The following RNF157 variants were observed in gnomAD, a reference collection of about 807,000 sequenced individuals.
RNF157 encodes the protein ring finger protein 157, also known as E3 ubiquitin ligase RNF157.
RNF157 carries 55 observed loss-of-function variants against 88.3 expected under a neutral mutation model. That is an observed-to-expected ratio of 0.62 (90% confidence interval 0.50 to 0.78). The LOEUF is 0.78. RNF157 is among the 30% of genes least tolerant of loss of function. The pLI is 0.00. For synonymous variants in RNF157, 334 were observed against 341.2 expected (o/e 0.98, Z 0.23); for missense variants, 788 against 860.8 (o/e 0.92, Z 1.06).
intron 3 of RNF157, 75 bp from the exon 4 acceptor site, chr17:76,167,872 A>G: frequency 2.1e-6 from 3 of 1,413,704 alleles, no homozygotes; most frequent in Non-Finnish European, 2.9e-6. Flanking sequence ...AAAATTAGCA[A>G]TATATTGTGG....
chr17:76,185,233 C>A (rs2069261099), intron 2 of RNF157, among the ~76,000 whole-genome samples: 2 of 152,176 alleles, frequency 1.3e-5, no homozygotes, highest in African/African-American at 4.8e-5. Flanking sequence ...CCAGGCCCCC[C>A]CAGATAGGAA....
At chr17:76,189,262 G>A (rs563503395) in intron 2 of RNF157, among the ~76,000 whole-genome samples, 2 of 152,334 alleles carry the variant, frequency 1.3e-5, no homozygotes, top group African/African-American at 4.8e-5. Context: ...GTTAACCTTA[G>A]GTGGAGCTGG....
intron 1 of RNF157, among the ~76,000 whole-genome samples, chr17:76,222,465 A>T (rs2070002375): frequency 6.6e-6 from 1 of 152,168 alleles, no homozygotes; most frequent in African/African-American, 2.4e-5. Flanking sequence ...ACTTCGCCTC[A>T]ATTTTAAAAA....
In RNF157 at chr17:76,155,692, G is replaced by A. The variant is rs1304770159; in HGVS notation, c.1568C>T (p.Ala523Val). ...SSLAQSVMSM[A>V]SSQISTDTVS... The stretch of plus-strand genomic sequence containing the variant: ...GGTGTCAGTGCTGATCTGGGAGGAT[G>A]CCATGGACATGACAGACTGGGCCAA... The change falls in exon 15 of 19, where the codon GCA becomes GTA. Residue 523 changes from alanine to valine, a missense_variant. Ala to Val is a moderately conservative substitution (Grantham distance 64, BLOSUM62 0). Coordinates refer to ENST00000269391, the MANE Select transcript of RNF157 (RefSeq NM_052916.3). 2 of 1,609,538 alleles carry A rather than the reference G, an allele frequency of 1.2e-6. No individual in the cohort carries two copies. The highest frequency in any genetic ancestry group is 1.7e-6 in the Non-Finnish European group (2 of 1,177,936).
intron 14 of RNF157, 65 bp downstream of exon 14, chr17:76,156,145 G>T: frequency 8.0e-7 from 1 of 1,253,334 alleles, no homozygotes; most frequent in Non-Finnish European, 1.2e-6. Context: ...CCCGGAAGAA[G>T]CACCAGGACA....
intron 14 of RNF157, 39 bp downstream of exon 14, chr17:76,156,171 G>A: frequency 1.3e-6 from 2 of 1,494,914 alleles, no homozygotes; most frequent in East Asian, 2.3e-5. Context: ...GGCTGGGTAA[G>A]GGGGAAGGAC....
intron 3 of RNF157, among the ~76,000 whole-genome samples, chr17:76,168,784 G>T (rs2068968112): frequency 6.6e-6 from 1 of 152,176 alleles, no homozygotes; most frequent in Non-Finnish European, 1.5e-5. Context: ...AAAAGGGTGT[G>T]TTGGGAAATA....
In RNF157 at chr17:76,146,563, G is replaced by C; in HGVS notation, c.1922-1210C>G. The C allele has an allele frequency of 1.0e-6, 1 of 985,448 alleles. No individual in the cohort carries two copies. Among genetic ancestry groups the C allele is most frequent in the Non-Finnish European group, 1.2e-6 (1 of 829,938 alleles). 61.0% of individuals were successfully genotyped at this position (985,448 alleles called of 1,614,324 possible). On this transcript the variant is annotated intron_variant, in intron 18 of 18. Coordinates refer to ENST00000269391, the MANE Select transcript of RNF157 (RefSeq NM_052916.3). The surrounding 1 kb of genome is among the most constrained non-coding windows in gnomAD (Gnocchi z 4.2). ...GCATGTCGTCCTCCGGACCCTGTGGGCCTCCCCAGCCGTGTCTCCCAGTGG... is the reference window on the plus strand; with the variant it reads ...GCATGTCGTCCTCCGGACCCTGTGGCCCTCCCCAGCCGTGTCTCCCAGTGG...
At chr17:76,200,501 G>A (rs977443325) in intron 2 of RNF157, among the ~76,000 whole-genome samples, 10 of 152,174 alleles carry the variant, frequency 6.6e-5, no homozygotes, top group African/African-American at 2.4e-4. Context: ...CTCGTATGAG[G>A]TACCTAGAGT....
chr17:76,226,784 C>G, intron 1 of RNF157: 1 of 1,562,798 alleles, frequency 6.4e-7, no homozygotes, highest in Non-Finnish European at 8.6e-7. Context: ...CACCTCGTTG[C>G]TCAGGAAGCT....
intron 5 of RNF157, 76 bp from the exon 6 acceptor site, chr17:76,166,603 G>A: frequency 8.4e-7 from 1 of 1,190,026 alleles, no homozygotes. Context: ...CTCAGAAAGG[G>A]CGATACTGTC....
intron 18 of RNF157, among the ~76,000 whole-genome samples, chr17:76,148,081 C>G (rs550901116): frequency 6.6e-6 from 1 of 151,968 alleles, no homozygotes; most frequent in African/African-American, 2.4e-5. Context: ...TCCTTAGTGC[C>G]CACAAAGTGC....
intron 2 of RNF157, among the ~76,000 whole-genome samples, chr17:76,186,410 G>A (rs1004235810): frequency 7.2e-5 from 11 of 152,088 alleles, no homozygotes; most frequent in African/African-American, 2.4e-4. Flanking sequence ...AGGAGGCTGA[G>A]GCAGGAGAAA....
chr17:76,238,306 T>C (rs1362640928), intron 1 of RNF157, among the ~76,000 whole-genome samples: 1 of 152,224 alleles, frequency 6.6e-6, no homozygotes, highest in African/African-American at 2.4e-5. Flanking sequence ...TCTGATTCTA[T>C]TTTCTATGTT....
Position 76,195,346 on chromosome 17 carries a change from G to GA in RNF157, c.207+17017dup, listed in dbSNP as rs1391180944. On this transcript the variant is annotated intron_variant, in intron 2 of 18. Coordinates refer to ENST00000269391, the MANE Select transcript of RNF157 (RefSeq NM_052916.3). The surrounding 1 kb of genome is among the most constrained non-coding windows in gnomAD (Gnocchi z 4.4). ...CAACTTCATTGGTTATCGGGAAAAT[G>GA]AAAATAAATTCTACAAACCTACCAC... 2.6e-5 allele frequency among the ~76,000 whole-genome samples: 4 copies of GA among 152,094 alleles called. No homozygotes were observed. Among genetic ancestry groups the GA allele is most frequent in the Non-Finnish European group, 4.4e-5 (3 of 68,022 alleles).
rs2068835413 is a variant in RNF157 at position 76,160,779 on chromosome 17, G to A, written c.1065+756C>T. On this transcript the variant is annotated intron_variant, in intron 11 of 18. Transcript: ENST00000269391. The surrounding 1 kb of genome is among the most constrained non-coding windows in gnomAD (Gnocchi z 4.3). ...TAAAATGTATGGTTCTTGCTTTCAA[G>A]CTTAGAGAATCCTTTCCAATCCAAA... Among the ~76,000 whole-genome samples the A allele has an allele frequency of 6.6e-6, 1 of 152,036 alleles. No individual in the cohort carries two copies. The highest frequency in any genetic ancestry group is 1.5e-5 in the Non-Finnish European group (1 of 67,940).
chr17:76,212,184 G>C (rs2069813266), intron 2 of RNF157, 180 bp downstream of exon 2: 2 of 547,482 alleles, frequency 3.7e-6, no homozygotes, highest in Non-Finnish European at 6.5e-6. Flanking sequence ...AGCTCTTCCA[G>C]TCCTCTAGCA....
intron 17 of RNF157, 69 bp downstream of exon 17, chr17:76,154,214 T>C: frequency 1.7e-6 from 2 of 1,173,006 alleles, no homozygotes; most frequent in East Asian, 2.3e-5. Flanking sequence ...TACCCTTTTC[T>C]TTACCCCTTA....
intron 1 of RNF157, among the ~76,000 whole-genome samples, chr17:76,232,211 C>T (rs193269448): frequency 6.6e-6 from 1 of 152,104 alleles, no homozygotes; most frequent in Non-Finnish European, 1.5e-5. Flanking sequence ...AGTGGGACCC[C>T]GTCTTTACAA....
Sources: gnomAD v4.1 joint callset for allele counts (sites outside exome capture counted in the v4.1 genomes callset) on GRCh38, gnomAD v4.1.1 for gene constraint, Gnocchi (gnomAD v3.1) non-coding constraint, MANE v1.5 for transcripts, NCBI Gene and HGNC (gene_info 2026-07-23, HGNC 2026-07-21) for gene names.